Variants in CCDC141 observed in about 807,000 individuals in gnomAD.
The protein encoded by CCDC141 is coiled-coil domain-containing protein 141.
In CCDC141, 168 loss-of-function variants were observed where a neutral mutation model predicts 181.0. The observed-to-expected ratio is 0.93, with a 90% CI of 0.82 to 1.05. CCDC141 has a LOEUF of 1.05. Ranked by LOEUF, CCDC141 falls within the 50% of genes least tolerant of loss-of-function variation. The pLI, the probability that CCDC141 is intolerant of heterozygous loss-of-function variation, is 0.00. For synonymous variants in CCDC141, 666 were observed against 642.3 expected (o/e 1.04, Z -0.56); for missense variants, 1,902 against 1,788.5 (o/e 1.06, Z -1.14).
At position 178,837,527 on chromosome 2, in the gene CCDC141, T is replaced by A. The variant is rs745709043; in HGVS notation, c.3692A>T (p.Asp1231Val). ...GSPESPLAPS[D>V]MEVEEPVSSS... Reference sequence around the variant, plus strand: ...GCTGACAGGCTCTTCCACCTCCATGTCAGATGGTGCAAGAGGGGACTCAGG... The same window carrying A: ...GCTGACAGGCTCTTCCACCTCCATGACAGATGGTGCAAGAGGGGACTCAGG... The change falls in exon 23 of 24, where the codon GAC (aspartate) becomes GTC (valine). Residue 1231 changes from aspartate (D) to valine (V), a missense_variant. Coordinates refer to ENST00000443758, the MANE Select transcript of CCDC141 (RefSeq NM_173648.4). 1.7e-5 allele frequency: 27 copies of A among 1,613,840 alleles called. No homozygotes were observed. Among genetic ancestry groups the A allele is most frequent in the Non-Finnish European group, 2.3e-5 (27 of 1,179,962 alleles).
At chr2:178,886,616 T>C (rs1686899552) in intron 10 of CCDC141, 136 bp downstream of exon 10, 6 of 563,220 alleles carry the variant, frequency 1.1e-5, no homozygotes. Context: ...ATATGAGTTT[T>C]TAAGTCATTA....
At chr2:178,953,405 C>T (rs1690036883) in intron 5 of CCDC141, among the ~76,000 whole-genome samples, 1 of 151,538 alleles carries the variant, frequency 6.6e-6, no homozygotes, top group Non-Finnish European at 1.5e-5. Context: ...CCACTGCACT[C>T]CAGCCTGGGC....
At chr2:178,992,335 T>C (rs1032551346) in intron 2 of CCDC141, among the ~76,000 whole-genome samples, 4 of 141,260 alleles carry the variant, frequency 2.8e-5, no homozygotes, top group Non-Finnish European at 6.1e-5. Flanking sequence ...TTATGTAAAA[T>C]AGACCTTTTT....
chr2:178,839,877 G>A (rs116651020), intron 22 of CCDC141, among the ~76,000 whole-genome samples: 1,638 of 152,218 alleles, frequency 0.011, 12 homozygotes, highest in Admixed American at 0.019. Flanking sequence ...CATGAAAGTA[G>A]AATGCTTATT....
At position 178,837,473 on chromosome 2, in the gene CCDC141, T is replaced by C. The variant is rs764928221; in HGVS notation, c.3746A>G (p.Tyr1249Cys). 5 of 1,613,944 alleles carry C rather than the reference T, an allele frequency of 3.1e-6. No homozygotes were observed. The highest frequency in any genetic ancestry group is 1.1e-5 in the South Asian group (1 of 91,080). The change falls in exon 23 of 24, where the codon TAT becomes TGT. Residue 1249 changes from tyrosine to cysteine, a missense_variant. Coordinates refer to ENST00000443758, the MANE Select transcript of CCDC141 (RefSeq NM_173648.4). ...GCTGCTGGTCCCAGCCTGCACCCCA[T>C]AGCTGCTTATGTGAAGGCTGAGGGA... ...SSSLSLHISSYGVQAGTSSPG... is the reference protein window; with the variant it reads ...SSSLSLHISSCGVQAGTSSPG...
rs544815123 is a variant in CCDC141, at chr2:178,992,820, C to G, written c.226-14145G>C. ...TGATTGAATCATGGGGGCAGTTACC[C>G]CCAAGCTGCTGTTCCTGTGATAGTG... is the stretch of plus-strand genomic sequence containing the variant. On this transcript the variant is annotated intron_variant, in intron 2 of 23. Transcript: ENST00000443758. 3.9e-5 allele frequency among the ~76,000 whole-genome samples: 6 copies of G among 152,194 alleles called. No homozygotes were observed. The East Asian group carries it at 1.2e-3, about 29-fold the overall frequency.
At chr2:178,901,208 A>G (rs1687671678) in intron 8 of CCDC141, among the ~76,000 whole-genome samples, 1 of 152,162 alleles carries the variant, frequency 6.6e-6, no homozygotes, top group Non-Finnish European at 1.5e-5. Context: ...TCCTTCTGAA[A>G]CTATTCCAAT....
chr2:178,957,859 T>C (rs1032374258), intron 5 of CCDC141, among the ~76,000 whole-genome samples: 8 of 152,144 alleles, frequency 5.3e-5, no homozygotes, highest in African/African-American at 1.9e-4. Context: ...CCTGAGTAGC[T>C]GGGATCACAG....
At chr2:179,000,820 G>A (rs1249980113) in intron 2 of CCDC141, among the ~76,000 whole-genome samples, 1 of 152,154 alleles carries the variant, frequency 6.6e-6, no homozygotes, top group Non-Finnish European at 1.5e-5. Flanking sequence ...CACAAGGCTT[G>A]ATGCAATTGC....
chr2:178,871,988 A>C, intron 13 of CCDC141, 145 bp downstream of exon 13: 1 of 788,270 alleles, frequency 1.3e-6, no homozygotes. Flanking sequence ...GTTTGACTAC[A>C]GGGACCTCAT....
At chr2:178,893,819 A>ACG (rs1318953006) in intron 8 of CCDC141, among the ~76,000 whole-genome samples, 5 of 137,242 alleles carry the variant, frequency 3.6e-5, no homozygotes, top group East Asian at 2.2e-4. Flanking sequence ...ACACACACAC[A>ACG]CACGCACACA....
rs189475256 is a variant in CCDC141, at chr2:179,006,674, G to A, written c.226-27999C>T. Among the ~76,000 whole-genome samples the A allele has an allele frequency of 2.6e-5, 4 of 152,232 alleles. No homozygotes were observed. The East Asian group carries it at 7.7e-4, about 29-fold the overall frequency. ...TACAAGGGTTTAAAATTAGATCCAG[G>A]GTTGGCGAGAGACATATAATATCTA... On this transcript the variant is annotated intron_variant, in intron 2 of 23. Coordinates refer to ENST00000443758, the MANE Select transcript of CCDC141 (RefSeq NM_173648.4).
chr2:179,038,660 A>G (rs2043209626), intron 2 of CCDC141, among the ~76,000 whole-genome samples: 1 of 152,180 alleles, frequency 6.6e-6, no homozygotes, highest in Admixed American at 6.5e-5. Context: ...TATTCTATTT[A>G]TAGTACATTC....
chr2:179,006,222 T>A (rs1217749094), intron 2 of CCDC141, among the ~76,000 whole-genome samples: 1 of 152,230 alleles, frequency 6.6e-6, no homozygotes, highest in African/African-American at 2.4e-5. Context: ...CAGATAATAT[T>A]ACTTGAGATA....
chr2:178,980,204 C>T (rs958890664), intron 2 of CCDC141, among the ~76,000 whole-genome samples: 3 of 152,092 alleles, frequency 2.0e-5, no homozygotes, highest in East Asian at 1.9e-4. Flanking sequence ...CATCAAAATA[C>T]GCTGGGAGAC....
Position 178,863,503 on chromosome 2 carries a change from A to G in CCDC141, c.2724+2264T>C, listed in dbSNP as rs144615535. Among the ~76,000 whole-genome samples the G allele has an allele frequency of 1.1e-3, 161 of 152,354 alleles. 1 individual carries two copies. In the East Asian group the frequency reaches 0.026, roughly 25 times the overall value. On this transcript the variant is annotated intron_variant, in intron 17 of 23. Coordinates refer to ENST00000443758, the MANE Select transcript of CCDC141 (RefSeq NM_173648.4). The stretch of plus-strand genomic sequence containing the variant: ...TACCCAAAGACTAATAATGATAACA[A>G]CGATAATAATGTCTAGATAGCAAAT...
At position 179,010,779 on chromosome 2, in the gene CCDC141, C is replaced by T. The variant is rs189848091; in HGVS notation, c.226-32104G>A. Reference sequence around the variant, plus strand: ...AAAAAACAAAACAAACCGAAGTACACAGGCAACAAAGAGCACAATGAATGC... The same window carrying T: ...AAAAAACAAAACAAACCGAAGTACATAGGCAACAAAGAGCACAATGAATGC... On this transcript the variant is annotated intron_variant, in intron 2 of 23. Coordinates refer to ENST00000443758, the MANE Select transcript of CCDC141 (RefSeq NM_173648.4). 9.9e-5 allele frequency among the ~76,000 whole-genome samples: 15 copies of T among 152,278 alleles called. 1 individual carries two copies. The highest frequency in any genetic ancestry group is 7.2e-4 in the Admixed American group (11 of 15,288).
Position 179,050,033 on chromosome 2 carries a change from A to T in CCDC141, c.-92T>A. On this transcript the variant is annotated 5_prime_UTR_variant, in exon 1 of 24. It removes an upstream start codon present in the reference 5' UTR. Coordinates refer to ENST00000443758, the MANE Select transcript of CCDC141 (RefSeq NM_173648.4). ...CAGAAGGCCAGGGTTACTTGGATTC[A>T]TTCAGGGAAAGAGCTCAGCTCACAC... 6.5e-7 allele frequency: 1 copy of T among 1,533,042 alleles called. No homozygotes were observed. Among genetic ancestry groups the T allele is most frequent in the Non-Finnish European group, 8.8e-7 (1 of 1,137,920 alleles). The allele number at this position is 1,533,042 out of a possible 1,614,324, so 95.0% of individuals were successfully genotyped here. A position where few individuals can be genotyped will look rare whatever the true frequency, so the allele number is the denominator to read the frequency against.
chr2:178,853,152 T>A (rs559354717), intron 20 of CCDC141, among the ~76,000 whole-genome samples: 2 of 152,310 alleles, frequency 1.3e-5, no homozygotes, highest in South Asian at 4.1e-4. Context: ...ATTGTTCTGG[T>A]GTTATTACCC....
Sources: gnomAD v4.1 joint callset for allele counts (sites outside exome capture counted in the v4.1 genomes callset) on GRCh38, gnomAD v4.1.1 for gene constraint, MANE v1.5 for transcripts, NCBI Gene and HGNC (gene_info 2026-07-23, HGNC 2026-07-21) for gene names.